The following SLC39A8 variants were observed in gnomAD, a reference collection of about 807,000 sequenced individuals.
The protein encoded by SLC39A8 is metal cation symporter ZIP8.
A neutral mutation model predicts 40.4 loss-of-function variants in SLC39A8; 15 were observed. The ratio of observed to expected loss-of-function variants is 0.37; its 90% CI spans 0.25 to 0.57. The LOEUF (loss-of-function observed/expected upper bound fraction) is 0.57, where lower values mean the gene tolerates loss of function less well. Among genes scored for constraint, SLC39A8 ranks in the 20% least tolerant of loss-of-function variants. The probability of loss-of-function intolerance (pLI) is 0.75; values close to 1 mark genes in which losing one functional copy is unlikely to be tolerated. For missense variants in SLC39A8, 472 were observed against 558.8 expected (o/e 0.84, Z 1.57); for synonymous variants, 223 against 221.6 (o/e 1.01, Z -0.06).
chr4:102,285,628 G>GTGT (rs1733139198), intron 6 of SLC39A8, among the ~76,000 whole-genome samples: 1 of 149,958 alleles, frequency 6.7e-6, no homozygotes, highest in Non-Finnish European at 1.5e-5. Flanking sequence ...TATAGATGAG[G>GTGT]GTGTGTGTGT....
At chr4:102,293,020 T>C (rs551164091) in intron 6 of SLC39A8, among the ~76,000 whole-genome samples, 3 of 152,152 alleles carry the variant, frequency 2.0e-5, no homozygotes, top group African/African-American at 7.2e-5. Flanking sequence ...TAAGTTGCAC[T>C]AATGTTCATG....
intron 6 of SLC39A8, among the ~76,000 whole-genome samples, chr4:102,297,609 A>G (rs1378137253): frequency 1.3e-5 from 2 of 151,946 alleles, no homozygotes; most frequent in South Asian, 2.1e-4. Flanking sequence ...GGAAAAGGAG[A>G]GATTCAGGAA....
chr4:102,293,407 TAA>T (rs1733539333), intron 6 of SLC39A8, among the ~76,000 whole-genome samples: 1 of 151,910 alleles, frequency 6.6e-6, no homozygotes, highest in South Asian at 2.1e-4. Context: ...ACAAGAGAAA[TAA>T]GAGTTAAAAC....
At chr4:102,272,460 A>C (rs2149008476) in intron 6 of SLC39A8, among the ~76,000 whole-genome samples, 1 of 151,732 alleles carries the variant, frequency 6.6e-6, no homozygotes, top group East Asian at 2.0e-4. Context: ...AGAAAGAAAA[A>C]ATTACCCAGG....
intron 6 of SLC39A8, among the ~76,000 whole-genome samples, chr4:102,286,608 T>C (rs17032436): frequency 0.063 from 9,523 of 152,172 alleles, 352 homozygotes; most frequent in African/African-American, 0.08. Flanking sequence ...TAACACAACA[T>C]ATCAAACACA....
intron 11 of SLC39A8, among the ~76,000 whole-genome samples, chr4:102,254,043 G>T (rs1164971561): frequency 6.6e-6 from 1 of 152,142 alleles, no homozygotes; most frequent in East Asian, 1.9e-4. Flanking sequence ...AAGGCTCTTG[G>T]TTCCAGTCAT....
At chr4:102,320,179 A>ATATATATATGTATATATATATG (rs1734851371) in intron 2 of SLC39A8, among the ~76,000 whole-genome samples, 5 of 99,802 alleles carry the variant, frequency 5.0e-5, no homozygotes, top group Admixed American at 1.1e-4. Context: ...ATATATATAT[A>ATATATATATGTATATATATATG]TATATATATA....
At chr4:102,293,667 A>G (rs761356932) in intron 6 of SLC39A8, among the ~76,000 whole-genome samples, 2 of 151,990 alleles carry the variant, frequency 1.3e-5, no homozygotes, top group Non-Finnish European at 2.9e-5. Context: ...AGAATATTTT[A>G]AAAATATTTC....
chr4:102,266,806 C>G (rs1482087144), intron 8 of SLC39A8, among the ~76,000 whole-genome samples: 1 of 152,122 alleles, frequency 6.6e-6, no homozygotes, highest in African/African-American at 2.4e-5. Context: ...CAGGGTTTCA[C>G]CATGTTGGCC....
intron 2 of SLC39A8, among the ~76,000 whole-genome samples, chr4:102,327,667 A>G (rs903022582): frequency 6.6e-6 from 1 of 152,222 alleles, no homozygotes; most frequent in African/African-American, 2.4e-5. Context: ...AAAAATCTAC[A>G]GAGAATGGAC....
exon 12 of SLC39A8, chr4:102,251,139 T>C (rs568165132): frequency 2.0e-5 from 3 of 152,358 alleles, no homozygotes; most frequent in Admixed American, 1.3e-4. Flanking sequence ...ATGTGATGCA[T>C]ATAATGTATA....
intron 8 of SLC39A8, among the ~76,000 whole-genome samples, chr4:102,266,186 GC>G (rs1295043693): frequency 6.6e-6 from 1 of 152,136 alleles, no homozygotes; most frequent in African/African-American, 2.4e-5. Flanking sequence ...GAATGGAAAA[GC>G]CCCTTGAACT....
intron 8 of SLC39A8, among the ~76,000 whole-genome samples, chr4:102,265,686 T>C (rs1411117483): frequency 6.6e-6 from 1 of 152,236 alleles, no homozygotes; most frequent in Non-Finnish European, 1.5e-5. Flanking sequence ...ATCATTTACT[T>C]TGGATGTTTA....
At position 102,261,952 on chromosome 4, in the gene SLC39A8, T is replaced by A; in HGVS notation, c.*1092A>T. 1 of 985,942 alleles carries A rather than the reference T, an allele frequency of 1.0e-6. No individual in the cohort carries two copies. The highest frequency in any genetic ancestry group is 4.7e-5 in the South Asian group (1 of 21,280). 61.1% of individuals were successfully genotyped at this position (985,942 alleles called of 1,614,324 possible). On this transcript the variant is annotated 3_prime_UTR_variant, in exon 9 of 9. Transcript: ENST00000356736. ...CTTCTAAATGAGTAAACAGGCTCTG[T>A]CTTTTATAAAAGGTAGAAAAATAAC...
intron 6 of SLC39A8, among the ~76,000 whole-genome samples, chr4:102,301,597 T>A (rs1451499504): frequency 1.3e-5 from 2 of 152,080 alleles, no homozygotes. Context: ...GAACAGGAAC[T>A]CAATAAATGT....
At chr4:102,304,843 T>C in intron 5 of SLC39A8, 146 bp downstream of exon 5, 1 of 674,006 alleles carries the variant, frequency 1.5e-6, no homozygotes, top group East Asian at 3.0e-5. Context: ...CTTGTCAATA[T>C]ATTGACTCTT....
At chr4:102,306,716 A>G (rs1438115170) in intron 4 of SLC39A8, among the ~76,000 whole-genome samples, 1 of 151,932 alleles carries the variant, frequency 6.6e-6, no homozygotes, top group African/African-American at 2.4e-5. Flanking sequence ...GATCCCTTCT[A>G]TGAAAGTCTC....
intron 6 of SLC39A8, among the ~76,000 whole-genome samples, chr4:102,289,827 CAA>C (rs1354659019): frequency 1.3e-5 from 2 of 152,118 alleles, no homozygotes; most frequent in Non-Finnish European, 2.9e-5. Context: ...AATGAGCAAA[CAA>C]AGTGGTTTCT....
At chr4:102,300,785 AT>A (rs1733891584) in intron 6 of SLC39A8, among the ~76,000 whole-genome samples, 1 of 151,782 alleles carries the variant, frequency 6.6e-6, no homozygotes, top group Admixed American at 6.6e-5. Flanking sequence ...TATTTTTATA[AT>A]ATAAAATATT....
Sources: gnomAD v4.1 joint callset for allele counts (sites outside exome capture counted in the v4.1 genomes callset) on GRCh38, gnomAD v4.1.1 for gene constraint, MANE v1.5 for transcripts, NCBI Gene and HGNC (gene_info 2026-07-23, HGNC 2026-07-21) for gene names.